Variants in MMAA observed in about 807,000 individuals in gnomAD.
MMAA encodes the protein metabolism of cobalamin associated A, also known as methylmalonic aciduria type A protein, mitochondrial.
A neutral mutation model predicts 45.0 loss-of-function variants in MMAA; 41 were observed. The ratio of observed to expected loss-of-function variants is 0.91; its 90% confidence interval spans 0.71 to 1.18. The LOEUF (loss-of-function observed/expected upper bound fraction) is 1.18, where lower values mean the gene tolerates loss of function less well. MMAA is among the 50% of genes most tolerant of loss of function. The probability of loss-of-function intolerance (pLI) is 0.00; values close to 1 mark genes in which losing one functional copy is unlikely to be tolerated. For missense variants in MMAA, 460 were observed against 495.7 expected, an observed-to-expected ratio of 0.93 and a Z score of 0.68; for synonymous variants, 154 against 178.2, an observed-to-expected ratio of 0.86 and a Z score of 1.08.
intron 1 of MMAA, among the ~76,000 whole-genome samples, chr4:145,636,722 C>G (rs1213483149): frequency 6.6e-6 from 1 of 152,220 alleles, no homozygotes; most frequent in Non-Finnish European, 1.5e-5. Flanking sequence ...CTTGAATTCC[C>G]CAAGGAGAGT....
chr4:145,651,426 A>G (rs1315433365), intron 5 of MMAA, among the ~76,000 whole-genome samples: 1 of 152,226 alleles, frequency 6.6e-6, no homozygotes, highest in Non-Finnish European at 1.5e-5. Context: ...AGTAGAGACC[A>G]TTGTTGCATA....
At chr4:145,645,060 G>C (rs1216684421) in intron 3 of MMAA, among the ~76,000 whole-genome samples, 1 of 152,196 alleles carries the variant, frequency 6.6e-6, no homozygotes, top group Non-Finnish European at 1.5e-5. Context: ...CATTCAGTGA[G>C]AGCTCCAAAT....
chr4:145,642,744 A>G (rs553998496), intron 3 of MMAA: 16 of 460,202 alleles, frequency 3.5e-5, no homozygotes, highest in Admixed American at 1.0e-4. Context: ...GAAGATGATC[A>G]AATGCAAATT....
chr4:145,640,787 T>C (rs934251365), intron 2 of MMAA, among the ~76,000 whole-genome samples: 1 of 152,248 alleles, frequency 6.6e-6, no homozygotes, highest in Admixed American at 6.5e-5. Context: ...ACAATTTAGA[T>C]ATGTTTGACC....
chr4:145,628,079 A>G (rs969122217), intron 1 of MMAA, among the ~76,000 whole-genome samples: 5 of 152,250 alleles, frequency 3.3e-5, no homozygotes, highest in African/African-American at 9.6e-5. Context: ...GGATTCATCA[A>G]ATTTGACTCT....
At chr4:145,652,519 G>A (rs1728121528) in intron 5 of MMAA, among the ~76,000 whole-genome samples, 1 of 152,090 alleles carries the variant, frequency 6.6e-6, no homozygotes, top group Non-Finnish European at 1.5e-5. Context: ...ACGAGGTCAG[G>A]AGATTGAGAC....
At chr4:145,650,353 T>C (rs1202799237) in intron 4 of MMAA, 3 of 152,488 alleles carry the variant, frequency 2.0e-5, no homozygotes, top group African/African-American at 7.2e-5. Context: ...AGGCTGAGTT[T>C]GTATTTGTGT....
At chr4:145,645,567 A>G (rs1434445366) in intron 3 of MMAA, among the ~76,000 whole-genome samples, 4 of 152,204 alleles carry the variant, frequency 2.6e-5, no homozygotes, top group South Asian at 4.1e-4. Context: ...GGCTTGACAC[A>G]TTGTAACTTA....
Position 145,626,908 on chromosome 4 carries a change from A to C in MMAA, c.-66+7501A>C, listed in dbSNP as rs566002791. 1.2e-3 allele frequency among the ~76,000 whole-genome samples: 178 copies of C among 152,352 alleles called. 1 individual carries two copies. The highest frequency in any genetic ancestry group is 3.9e-3 in the African/African-American group (163 of 41,584). On this transcript the variant is annotated intron_variant, in intron 1 of 6. Coordinates refer to ENST00000649156, the MANE Select transcript of MMAA (RefSeq NM_172250.3). ...TAGTCCCCTGGGAAGAAGTTTGAGGATATCAAATCCAGAATTACATACATC... is the reference window on the plus strand; with the variant it reads ...TAGTCCCCTGGGAAGAAGTTTGAGGCTATCAAATCCAGAATTACATACATC...
chr4:145,653,154 T>C (rs894588938), intron 5 of MMAA, among the ~76,000 whole-genome samples: 2 of 152,232 alleles, frequency 1.3e-5, no homozygotes, highest in African/African-American at 4.8e-5. Context: ...ATTACTGGTG[T>C]GAGCCACCAC....
rs1346413343 is a variant in MMAA, at chr4:145,659,634, G to A, written c.*4200G>A. 1.3e-5 allele frequency: 2 copies of A among 152,150 alleles called. No individual in the cohort carries two copies. Among genetic ancestry groups the A allele is most frequent in the African/African-American group, 2.4e-5 (1 of 41,436 alleles). The allele number at this position is 152,150 out of a possible 1,614,324, so 9.4% of individuals were successfully genotyped here. On this transcript the variant is annotated 3_prime_UTR_variant, in exon 7 of 7. Coordinates refer to ENST00000649156, the MANE Select transcript of MMAA (RefSeq NM_172250.3). The stretch of plus-strand genomic sequence containing the variant: ...TCCACCTGGCCAATCTTAAGATGTG[G>A]ATAGAGTTCTTTTTTTTCTTTTTTC...
rs528827590 is a variant in MMAA, at chr4:145,659,716, T to C, written c.*4282T>C. On this transcript the variant is annotated 3_prime_UTR_variant, in exon 7 of 7. Coordinates refer to ENST00000649156, the MANE Select transcript of MMAA (RefSeq NM_172250.3). ...CTGTGCATGTTTATGGGGGCACAATTTGATGTTTCAATACATGTATATGTT... is the reference window on the plus strand; with the variant it reads ...CTGTGCATGTTTATGGGGGCACAATCTGATGTTTCAATACATGTATATGTT... 3 of 152,340 alleles carry C rather than the reference T, an allele frequency of 2.0e-5. No individual in the cohort carries two copies. The highest frequency in any genetic ancestry group is 7.2e-5 in the African/African-American group (3 of 41,592). The allele number at this position is 152,340 out of a possible 1,614,324, so 9.4% of individuals were successfully genotyped here.
intron 4 of MMAA, among the ~76,000 whole-genome samples, chr4:145,648,297 G>A (rs913479722): frequency 2.0e-5 from 3 of 151,626 alleles, no homozygotes; most frequent in East Asian, 3.9e-4. Context: ...ACAGATGCAC[G>A]CCACCACACC....
intron 1 of MMAA, chr4:145,625,618 A>C (rs1318754352): frequency 1.2e-6 from 1 of 852,640 alleles, no homozygotes; most frequent in East Asian, 2.4e-5. Flanking sequence ...TCAGCTTCAA[A>C]GAGTAGGACA....
intron 1 of MMAA, among the ~76,000 whole-genome samples, chr4:145,620,941 T>G (rs1329723697): frequency 6.6e-6 from 1 of 152,174 alleles, no homozygotes. Context: ...GACTACACTT[T>G]GAGAACCACT....
At position 145,638,636 on chromosome 4, in the gene MMAA, C is replaced by G. The variant is rs1395910397; in HGVS notation, c.-65-439C>G. Among the ~76,000 whole-genome samples the G allele has an allele frequency of 2.0e-5, 3 of 152,242 alleles. No individual in the cohort carries two copies. The East Asian group carries it at 5.8e-4, about 29-fold the overall frequency. Reference sequence around the variant, plus strand: ...CACCTGAAGTGCCCACCGTAGTAATCACATTTCTTTTTGTAGAGAGTGAAT... The same window carrying G: ...CACCTGAAGTGCCCACCGTAGTAATGACATTTCTTTTTGTAGAGAGTGAAT... On this transcript the variant is annotated intron_variant, in intron 1 of 6. Transcript: ENST00000649156.
At chr4:145,651,851 T>C (rs1728099091) in intron 5 of MMAA, among the ~76,000 whole-genome samples, 1 of 152,148 alleles carries the variant, frequency 6.6e-6, no homozygotes, top group African/African-American at 2.4e-5. Flanking sequence ...AGGCATCAAT[T>C]AGATTATCAT....
At chr4:145,647,942 C>T (rs149348002) in intron 4 of MMAA, among the ~76,000 whole-genome samples, 2,121 of 151,924 alleles carry the variant, frequency 0.014, 62 homozygotes, top group African/African-American at 0.048. Flanking sequence ...CTGCAACCTC[C>T]GCCTCCCGGG....
At chr4:145,640,797 C>T (rs1204093743) in intron 2 of MMAA, among the ~76,000 whole-genome samples, 1 of 151,930 alleles carries the variant, frequency 6.6e-6, no homozygotes, top group Non-Finnish European at 1.5e-5. Context: ...TATGTTTGAC[C>T]AGCAGGAATT....
Sources: allele counts gnomAD v4.1 joint callset (sites outside exome capture counted in the v4.1 genomes callset), GRCh38; gene constraint gnomAD v4.1.1; transcripts MANE v1.5; gene names NCBI Gene and HGNC (gene_info 2026-07-23, HGNC 2026-07-21).